SESTD1: variants seen among roughly 807,000 people sequenced by gnomAD.
SESTD1 encodes SEC14 domain and spectrin repeat-containing protein 1.
SESTD1 carries 43 observed loss-of-function variants against 101.7 expected under a neutral mutation model. The observed-to-expected ratio is 0.42, with a 90% CI of 0.33 to 0.55. The LOEUF (loss-of-function observed/expected upper bound fraction) is 0.55, where lower values mean the gene tolerates loss of function less well. Among genes scored for constraint, SESTD1 ranks in the 20% least tolerant of loss-of-function variants. The probability of loss-of-function intolerance (pLI) is 0.07; values close to 1 mark genes in which losing one functional copy is unlikely to be tolerated. For missense variants in SESTD1, 647 were observed against 815.1 expected, an observed-to-expected ratio of 0.79 and a Z score of 2.51; for synonymous variants, 283 against 286.8, an observed-to-expected ratio of 0.99 and a Z score of 0.13.
Position 179,230,912 on chromosome 2 carries a change from T to G in SESTD1, c.-26+33587A>C, listed in dbSNP as rs1264028731. 1.3e-5 allele frequency among the ~76,000 whole-genome samples: 2 copies of G among 152,086 alleles called. 1 individual carries two copies. The highest frequency in any genetic ancestry group is 2.9e-5 in the Non-Finnish European group (2 of 68,010). On this transcript the variant is annotated intron_variant, in intron 1 of 17. Coordinates refer to ENST00000428443, the MANE Select transcript of SESTD1 (RefSeq NM_178123.5). ...GTAAAACTATTAGACTTTAAAAATA[T>G]GAGAAGGGAAAGATCCAAGAATTCC...
Position 179,187,295 on chromosome 2 carries a change from C to T in SESTD1, c.56-4107G>A, listed in dbSNP as rs2046247450. Among the ~76,000 whole-genome samples, 2 of 152,054 alleles carry T rather than the reference C, an allele frequency of 1.3e-5. 1 individual carries two copies. The highest frequency in any genetic ancestry group is 4.1e-4 in the South Asian group (2 of 4,824). On this transcript the variant is annotated intron_variant, in intron 2 of 17. Coordinates refer to ENST00000428443, the MANE Select transcript of SESTD1 (RefSeq NM_178123.5). ...GCCTTGAATGTAAAAGGTCTAACAC[C>T]CCACTTAAAAGACACCAAATGGCAA...
Position 179,104,823 on chromosome 2 carries a change from T to G in SESTD1, c.*5076A>C, listed in dbSNP as rs552159829. On this transcript the variant is annotated 3_prime_UTR_variant, in exon 18 of 18. Transcript: ENST00000428443. ...ATCTTTAAAAATGTGCCCACTGCTT[T>G]CAAAATATTTCATCATAGTTCTGGC... is the stretch of plus-strand genomic sequence containing the variant. The G allele has an allele frequency of 6.6e-6, 1 of 152,290 alleles. No homozygotes were observed. Among genetic ancestry groups the G allele is most frequent in the Admixed American group, 6.5e-5 (1 of 15,284 alleles). The allele number at this position is 152,290 out of a possible 1,614,324, so 9.4% of individuals were successfully genotyped here. A position where few individuals can be genotyped will look rare whatever the true frequency, so the allele number is the denominator to read the frequency against.
intron 10 of SESTD1, among the ~76,000 whole-genome samples, chr2:179,127,219 G>A (rs1367105973): frequency 6.6e-6 from 1 of 152,172 alleles, no homozygotes; most frequent in Admixed American, 6.5e-5. Flanking sequence ...GTGCTGGGGT[G>A]TTTCTACTGC....
intron 10 of SESTD1, among the ~76,000 whole-genome samples, chr2:179,124,919 G>A (rs1171906697): frequency 1.3e-5 from 2 of 152,016 alleles, no homozygotes; most frequent in South Asian, 2.1e-4. Context: ...TCAAAAAACC[G>A]TATCCCCTTT....
chr2:179,227,361 T>G (rs1483282092), intron 1 of SESTD1, among the ~76,000 whole-genome samples: 2 of 152,144 alleles, frequency 1.3e-5, no homozygotes, highest in Non-Finnish European at 2.9e-5. Flanking sequence ...TTTAGATGGC[T>G]CCTGACTGCC....
chr2:179,107,316 A>G lies in SESTD1; in HGVS notation c.*2583T>C, dbSNP rs2044405848. 1 of 152,190 alleles carries G rather than the reference A, an allele frequency of 6.6e-6. No homozygotes were observed. The highest frequency in any genetic ancestry group is 1.5e-5 in the Non-Finnish European group (1 of 68,024). The allele number at this position is 152,190 out of a possible 1,614,324, so 9.4% of individuals were successfully genotyped here. A position where few individuals can be genotyped will look rare whatever the true frequency, so the allele number is the denominator to read the frequency against. On this transcript the variant is annotated 3_prime_UTR_variant, in exon 18 of 18. Coordinates refer to ENST00000428443, the MANE Select transcript of SESTD1 (RefSeq NM_178123.5). ...GAGCAATGATATTCATTATGTTAAAATCATACTTGGCCTCATGTGAAACAC... is the reference window on the plus strand; with the variant it reads ...GAGCAATGATATTCATTATGTTAAAGTCATACTTGGCCTCATGTGAAACAC...
intron 13 of SESTD1, among the ~76,000 whole-genome samples, chr2:179,120,117 T>G (rs2044715596): frequency 6.6e-6 from 1 of 151,958 alleles, no homozygotes. Context: ...TAGTCCCAGC[T>G]ACTCGGAAGG....
intron 5 of SESTD1, among the ~76,000 whole-genome samples, chr2:179,164,042 G>A (rs746715412): frequency 5.9e-5 from 9 of 152,158 alleles, no homozygotes; most frequent in Non-Finnish European, 1.0e-4. Context: ...GTGCGTGCAA[G>A]ATCCAGAATG....
Position 179,101,986 on chromosome 2 carries a change from C to T in SESTD1, c.*7913G>A, listed in dbSNP as rs1318351018. On this transcript the variant is annotated 3_prime_UTR_variant, in exon 18 of 18. Transcript: ENST00000428443. Reference sequence around the variant, plus strand: ...AAAATCCTTAGTAGCCATTCTGGAACTGCTATTGTTTATAGCATGATATGA... The same window carrying T: ...AAAATCCTTAGTAGCCATTCTGGAATTGCTATTGTTTATAGCATGATATGA... 2 of 152,158 alleles carry T rather than the reference C, an allele frequency of 1.3e-5. No individual in the cohort carries two copies. The highest frequency in any genetic ancestry group is 4.8e-5 in the African/African-American group (2 of 41,454). The allele number at this position is 152,158 out of a possible 1,614,324, so 9.4% of individuals were successfully genotyped here. A position where few individuals can be genotyped will look rare whatever the true frequency, so the allele number is the denominator to read the frequency against.
At chr2:179,234,139 C>T (rs2047025922) in intron 1 of SESTD1, among the ~76,000 whole-genome samples, 3 of 152,268 alleles carry the variant, frequency 2.0e-5, no homozygotes, top group Non-Finnish European at 4.4e-5. Context: ...AGAGGCATTC[C>T]TCCAGCAGGA....
chr2:179,202,732 T>TA (rs772827730), intron 1 of SESTD1, among the ~76,000 whole-genome samples: 1 of 135,408 alleles, frequency 7.4e-6, no homozygotes, highest in Non-Finnish European at 1.6e-5. Context: ...TTTTAAATGA[T>TA]ACTGTGAATG....
At chr2:179,111,716 ATTCT>A (rs2044511147) in intron 17 of SESTD1, among the ~76,000 whole-genome samples, 1 of 146,062 alleles carries the variant, frequency 6.8e-6, no homozygotes, top group African/African-American at 2.5e-5. Context: ...GCTCCTCCTG[ATTCT>A]TTTTTTTTTT....
chr2:179,249,211 T>TAA (rs770988752), intron 1 of SESTD1, among the ~76,000 whole-genome samples: 3 of 84,500 alleles, frequency 3.6e-5, no homozygotes, highest in African/African-American at 8.1e-5. Context: ...GGCATACAGA[T>TAA]TAAAAAAAAA....
At chr2:179,186,333 T>C (rs115603138) in intron 2 of SESTD1, among the ~76,000 whole-genome samples, 354 of 152,192 alleles carry the variant, frequency 2.3e-3, no homozygotes, top group African/African-American at 8.1e-3. Flanking sequence ...CTCCCACTCA[T>C]AGCTTCCCCT....
At chr2:179,112,229 G>A (rs775993336) in intron 17 of SESTD1, among the ~76,000 whole-genome samples, 1 of 152,180 alleles carries the variant, frequency 6.6e-6, no homozygotes, top group Non-Finnish European at 1.5e-5. Flanking sequence ...CTAACTCTTA[G>A]AAGCTGTGAA....
At chr2:179,119,765 A>G (rs539670055) in intron 13 of SESTD1, among the ~76,000 whole-genome samples, 2 of 152,218 alleles carry the variant, frequency 1.3e-5, no homozygotes, top group African/African-American at 4.8e-5. Flanking sequence ...TGGTTGTTTA[A>G]AAGTGTGCCG....
At chr2:179,227,155 T>C (rs1315427156) in intron 1 of SESTD1, among the ~76,000 whole-genome samples, 3 of 151,826 alleles carry the variant, frequency 2.0e-5, no homozygotes, top group Non-Finnish European at 4.4e-5. Context: ...TTGACTTTAC[T>C]ACTTTTACAG....
At chr2:179,250,317 C>T (rs1044721842) in intron 1 of SESTD1, among the ~76,000 whole-genome samples, 14 of 152,144 alleles carry the variant, frequency 9.2e-5, no homozygotes, top group Non-Finnish European at 1.8e-4. Flanking sequence ...ATTAAAACCA[C>T]GGTGAGACAT....
chr2:179,120,227 CAAAAA>C (rs143045410), intron 13 of SESTD1, among the ~76,000 whole-genome samples: 7 of 144,252 alleles, frequency 4.9e-5, no homozygotes, highest in Admixed American at 7.0e-5. Flanking sequence ...GACTCTGTTT[CAAAAA>C]AAAAAGAAAA....
Sources: allele counts gnomAD v4.1 joint callset (sites outside exome capture counted in the v4.1 genomes callset), GRCh38; gene constraint gnomAD v4.1.1; transcripts MANE v1.5; gene names NCBI Gene and HGNC (gene_info 2026-07-23, HGNC 2026-07-21).